ARL15: variants seen among roughly 807,000 people sequenced by gnomAD.
ARL15 encodes ARF like GTPase 15, also known as ADP-ribosylation factor-like protein 15.
A neutral mutation model predicts 25.2 loss-of-function variants in ARL15; 19 were observed. The ratio of observed to expected loss-of-function variants is 0.75; its 90% CI spans 0.53 to 1.10. The LOEUF is 1.10. Among genes scored for constraint, ARL15 ranks in the 50% least tolerant of loss-of-function variants. ARL15 has a pLI of 0.00. For missense variants in ARL15, 220 were observed against 246.0 expected (o/e 0.89, Z 0.71); for synonymous variants, 94 against 86.8 (o/e 1.08, Z -0.46).
intron 1 of ARL15, among the ~76,000 whole-genome samples, chr5:54,206,815 C>T (rs1183418078): frequency 6.6e-6 from 1 of 152,240 alleles, no homozygotes; most frequent in African/African-American, 2.4e-5. Flanking sequence ...CTTATCAACA[C>T]ACCTAAACCA....
rs1226425214 is a variant in ARL15, at chr5:53,899,005, T to A, written c.463-12292A>T. ...TTGTGTCTCTTCTTTCATCCCTAATTTTAGAAATTTAAGTTTCCCTCATTT... is the reference window on the plus strand; with the variant it reads ...TTGTGTCTCTTCTTTCATCCCTAATATTAGAAATTTAAGTTTCCCTCATTT... On this transcript the variant is annotated intron_variant, in intron 4 of 4. Coordinates refer to ENST00000504924, the MANE Select transcript of ARL15 (RefSeq NM_019087.3). Among the ~76,000 whole-genome samples, 4 of 152,078 alleles carry A rather than the reference T, an allele frequency of 2.6e-5. No individual in the cohort carries two copies. In the East Asian group the frequency reaches 7.7e-4, roughly 29 times the overall value.
intron 2 of ARL15, among the ~76,000 whole-genome samples, chr5:54,162,056 A>C: frequency 6.6e-6 from 1 of 151,552 alleles, no homozygotes; most frequent in African/African-American, 2.4e-5. Context: ...ATGAACAACC[A>C]AAAGAATTCT....
chr5:54,299,364 T>C (rs1334187369), intron 1 of ARL15, among the ~76,000 whole-genome samples: 1 of 152,166 alleles, frequency 6.6e-6, no homozygotes, highest in Non-Finnish European at 1.5e-5. Context: ...ATCTAAGTGG[T>C]TGCAAATGTG....
chr5:54,239,988 G>A (rs887732556), intron 1 of ARL15, among the ~76,000 whole-genome samples: 1 of 152,202 alleles, frequency 6.6e-6, no homozygotes, highest in African/African-American at 2.4e-5. Context: ...AGCACTTTGG[G>A]AGGCCGAGGC....
chr5:54,149,977 T>A (rs1754017159), intron 3 of ARL15, among the ~76,000 whole-genome samples: 1 of 152,304 alleles, frequency 6.6e-6, no homozygotes, highest in Non-Finnish European at 1.5e-5. Flanking sequence ...GGCTTGCTAA[T>A]ACCTTGGATG....
rs556777967 is a variant in ARL15 at position 54,200,251 on chromosome 5, A to T, written c.49-28323T>A. 3.0e-3 allele frequency among the ~76,000 whole-genome samples: 449 copies of T among 152,018 alleles called. 5 individuals are homozygous for T. Among genetic ancestry groups the T allele is most frequent in the African/African-American group, 0.011 (438 of 41,460 alleles). On this transcript the variant is annotated intron_variant, in intron 1 of 4. Transcript: ENST00000504924. Reference sequence around the variant, plus strand: ...ATGGCACATGTATACATATGTAAGTAACCTGCACGTTGTGCACATGTACCC... The same window carrying T: ...ATGGCACATGTATACATATGTAAGTTACCTGCACGTTGTGCACATGTACCC...
chr5:54,259,808 C>T (rs1294434810), intron 1 of ARL15, among the ~76,000 whole-genome samples: 2 of 152,196 alleles, frequency 1.3e-5, no homozygotes, highest in Non-Finnish European at 2.9e-5. Flanking sequence ...TATAACATTG[C>T]TTTACAATGA....
intron 3 of ARL15, among the ~76,000 whole-genome samples, chr5:54,147,411 T>A (rs1021205272): frequency 2.6e-5 from 4 of 152,208 alleles, no homozygotes; most frequent in Non-Finnish European, 5.9e-5. Context: ...GGTGATTTAT[T>A]AAAACTTACA....
intron 2 of ARL15, among the ~76,000 whole-genome samples, chr5:54,162,677 A>G (rs1162301845): frequency 6.6e-6 from 1 of 152,140 alleles, no homozygotes; most frequent in African/African-American, 2.4e-5. Flanking sequence ...ATCTGCTTCT[A>G]TTCTTATGGG....
At chr5:54,227,932 A>C (rs1756570230) in intron 1 of ARL15, among the ~76,000 whole-genome samples, 2 of 152,196 alleles carry the variant, frequency 1.3e-5, no homozygotes, top group African/African-American at 4.8e-5. Flanking sequence ...TTTTCTGAGA[A>C]GAGACTGGAC....
At chr5:54,162,864 A>C (rs1334818072) in intron 2 of ARL15, among the ~76,000 whole-genome samples, 1 of 152,154 alleles carries the variant, frequency 6.6e-6, no homozygotes, top group East Asian at 1.9e-4. Context: ...GTTTTTATTT[A>C]TTCTTTCACA....
In ARL15 at chr5:53,897,889, C is replaced by T. The variant is rs148305570; in HGVS notation, c.463-11176G>A. 4.6e-5 allele frequency among the ~76,000 whole-genome samples: 7 copies of T among 152,226 alleles called. No individual in the cohort carries two copies. In the East Asian group the frequency reaches 1.3e-3, roughly 29 times the overall value. ...AAAAATCCATGTATAACTTTTAAGT[C>T]CCCCAAAACTTAACTACTAATAGCC... On this transcript the variant is annotated intron_variant, in intron 4 of 4. Transcript: ENST00000504924.
chr5:54,310,476 A>C lies in ARL15; in HGVS notation c.4T>G (p.Ser2Ala), dbSNP rs2112733528. 1.2e-6 allele frequency: 2 copies of C among 1,605,392 alleles called. No homozygotes were observed. The highest frequency in any genetic ancestry group is 8.5e-7 in the Non-Finnish European group (1 of 1,176,272). The stretch of plus-strand genomic sequence containing the variant: ...AACGCCTCAGTTATTCGGAGATCAG[A>C]CATCCGGCAGCCTAAAGCATCCGGA... M[S>A]DLRITEAFLY... The change falls in exon 1 of 5, where the codon TCT (serine) becomes GCT (alanine). Residue 2 changes from serine to alanine, a missense_variant. Coordinates refer to ENST00000504924, the MANE Select transcript of ARL15 (RefSeq NM_019087.3).
chr5:54,134,598 T>C (rs993314373), intron 3 of ARL15, among the ~76,000 whole-genome samples: 137 of 141,506 alleles, frequency 9.7e-4, no homozygotes, highest in Admixed American at 4.3e-3. Flanking sequence ...TTTTTTTTTT[T>C]TTTCTGAGAC....
chr5:54,135,727 C>T (rs983216155), intron 3 of ARL15, among the ~76,000 whole-genome samples: 8 of 152,142 alleles, frequency 5.3e-5, no homozygotes, highest in Admixed American at 1.3e-4. Flanking sequence ...CAGTCACATG[C>T]CAGAGATTTG....
At chr5:54,221,446 A>T (rs925456869) in intron 1 of ARL15, among the ~76,000 whole-genome samples, 8 of 152,176 alleles carry the variant, frequency 5.3e-5, no homozygotes, top group South Asian at 2.1e-4. Context: ...CAGCCCAGTT[A>T]TGAGAGCATT....
chr5:54,098,352 C>T (rs1176202550), intron 4 of ARL15, among the ~76,000 whole-genome samples: 1 of 152,076 alleles, frequency 6.6e-6, no homozygotes, highest in Non-Finnish European at 1.5e-5. Context: ...TTTTTCACAC[C>T]GTTCGATCCC....
intron 1 of ARL15, among the ~76,000 whole-genome samples, chr5:54,305,010 G>T (rs1302731793): frequency 1.3e-5 from 2 of 152,104 alleles, no homozygotes; most frequent in South Asian, 2.1e-4. Context: ...TTGTTGGTTA[G>T]TTAGCTGGTT....
At chr5:54,021,707 T>C (rs1749608517) in intron 4 of ARL15, among the ~76,000 whole-genome samples, 1 of 152,144 alleles carries the variant, frequency 6.6e-6, no homozygotes, top group African/African-American at 2.4e-5. Flanking sequence ...GGCTGAAAAC[T>C]TCTTCTAAGA....
Sources: allele counts gnomAD v4.1 joint callset (sites outside exome capture counted in the v4.1 genomes callset), GRCh38; gene constraint gnomAD v4.1.1; transcripts MANE v1.5; gene names NCBI Gene and HGNC (gene_info 2026-07-23, HGNC 2026-07-21).